ERBB4: variants seen among roughly 807,000 people sequenced by gnomAD.
The protein encoded by ERBB4 is receptor tyrosine-protein kinase erbB-4.
Under a neutral mutation model 158.0 loss-of-function variants are expected in ERBB4, and 42 were observed. The observed-to-expected ratio is 0.27, with a 90% CI of 0.21 to 0.34. The LOEUF (loss-of-function observed/expected upper bound fraction) is 0.34, where lower values mean the gene tolerates loss of function less well. ERBB4 is among the 10% of genes least tolerant of loss of function. The probability of loss-of-function intolerance (pLI) is 1.00; values close to 1 mark genes in which losing one functional copy is unlikely to be tolerated. For missense variants in ERBB4, 1,333 were observed against 1,624.1 expected, an observed-to-expected ratio of 0.82 and a Z score of 3.08; for synonymous variants, 583 against 558.7, an observed-to-expected ratio of 1.04 and a Z score of -0.61.
chr2:211,480,069 G>T (rs2065045212), intron 20 of ERBB4, among the ~76,000 whole-genome samples: 1 of 152,048 alleles, frequency 6.6e-6, no homozygotes, highest in African/African-American at 2.4e-5. Context: ...ACAAAAATCT[G>T]ATCTATCTGC....
intron 4 of ERBB4, among the ~76,000 whole-genome samples, chr2:211,766,724 C>T (rs148046966): frequency 4.5e-4 from 69 of 152,206 alleles, no homozygotes; most frequent in African/African-American, 1.4e-3. Context: ...AACCTAACGC[C>T]GATCTGTGCT....
chr2:212,524,161 T>C (rs549734186), intron 1 of ERBB4, among the ~76,000 whole-genome samples: 1 of 152,146 alleles, frequency 6.6e-6, no homozygotes, highest in Admixed American at 6.6e-5. Context: ...TAATATGAAA[T>C]TTAAAAAACA....
chr2:211,929,798 A>C lies in ERBB4; in HGVS notation c.421+17632T>G, dbSNP rs2080124223. On this transcript the variant is annotated intron_variant, in intron 3 of 27. Transcript: ENST00000342788. ...TAATAGTTAGATATTATACTCATAT[A>C]GACATATAAATGCATCTGTGTATGT... 2.6e-5 allele frequency among the ~76,000 whole-genome samples: 4 copies of C among 152,202 alleles called. No individual in the cohort carries two copies. The South Asian group carries it at 8.3e-4, about 32-fold the overall frequency.
At chr2:212,018,714 G>C (rs891723157) in intron 2 of ERBB4, among the ~76,000 whole-genome samples, 1 of 152,134 alleles carries the variant, frequency 6.6e-6, no homozygotes, top group African/African-American at 2.4e-5. Flanking sequence ...CTCTGGGTCT[G>C]TATTTGTCAG....
In ERBB4 at chr2:211,427,094, A is replaced by G. The variant is rs556312452; in HGVS notation, c.2719+1314T>C. 1.2e-4 allele frequency among the ~76,000 whole-genome samples: 18 copies of G among 152,240 alleles called. No individual in the cohort carries two copies. The East Asian group carries it at 3.1e-3, about 26-fold the overall frequency. On this transcript the variant is annotated intron_variant, in intron 22 of 27. Coordinates refer to ENST00000342788, the MANE Select transcript of ERBB4 (RefSeq NM_005235.3). ...CTTCATGAAAATTTTACCACCTCCT[A>G]TGGAATACATATGTGGAAGGAATAA...
In ERBB4 at chr2:211,998,407, T is replaced by G. The variant is rs55760258; in HGVS notation, c.235-50791A>C. Among the ~76,000 whole-genome samples the G allele has an allele frequency of 4.2e-3, 644 of 151,914 alleles. 3 individuals carry two copies. Among genetic ancestry groups the G allele is most frequent in the Non-Finnish European group, 6.1e-3 (413 of 67,856 alleles). On this transcript the variant is annotated intron_variant, in intron 2 of 27. Coordinates refer to ENST00000342788, the MANE Select transcript of ERBB4 (RefSeq NM_005235.3). ...TTATGTACATTATCTTACTTGGTCC[T>G]TATCACAGATCTTTCTGAGATAAAC...
intron 2 of ERBB4, among the ~76,000 whole-genome samples, chr2:211,967,472 T>G (rs1157476124): frequency 6.6e-6 from 1 of 152,058 alleles, no homozygotes; most frequent in African/African-American, 2.4e-5. Context: ...TTTCCAATCT[T>G]TTAATTATCA....
chr2:212,503,359 T>C (rs1273135076), intron 1 of ERBB4, among the ~76,000 whole-genome samples: 1 of 152,234 alleles, frequency 6.6e-6, no homozygotes, highest in Admixed American at 6.5e-5. Flanking sequence ...CCAGTCTAAA[T>C]GTTGTCCTCC....
chr2:212,077,969 C>T (rs2078322378), intron 2 of ERBB4, among the ~76,000 whole-genome samples: 1 of 151,890 alleles, frequency 6.6e-6, no homozygotes, highest in Non-Finnish European at 1.5e-5. Flanking sequence ...GGCAATAATT[C>T]AATCACCACA....
chr2:212,281,063 C>A (rs1157288242), intron 1 of ERBB4, among the ~76,000 whole-genome samples: 1 of 151,620 alleles, frequency 6.6e-6, no homozygotes, highest in African/African-American at 2.4e-5. Context: ...TACTAAAATT[C>A]TTCTTCACAA....
At chr2:212,067,659 C>G (rs1478891754) in intron 2 of ERBB4, among the ~76,000 whole-genome samples, 1 of 151,978 alleles carries the variant, frequency 6.6e-6, no homozygotes, top group Non-Finnish European at 1.5e-5. Flanking sequence ...ATCTACAAAT[C>G]CAGGACAAGA....
chr2:211,955,555 C>G (rs1010700647), intron 2 of ERBB4, among the ~76,000 whole-genome samples: 13 of 152,054 alleles, frequency 8.5e-5, no homozygotes, highest in South Asian at 6.3e-4. Context: ...GTCTCTGTAC[C>G]TTGAGTTTCT....
chr2:212,092,006 C>T (rs774043453), intron 2 of ERBB4, among the ~76,000 whole-genome samples: 9 of 152,208 alleles, frequency 5.9e-5, no homozygotes, highest in African/African-American at 9.6e-5. Flanking sequence ...AGATCCCACA[C>T]GTGATATGTC....
intron 1 of ERBB4, among the ~76,000 whole-genome samples, chr2:212,263,210 T>C (rs1340817050): frequency 1.3e-5 from 2 of 152,084 alleles, no homozygotes; most frequent in Non-Finnish European, 2.9e-5. Context: ...CAGGTTCTGC[T>C]TGAGAGCTTC....
intron 12 of ERBB4, among the ~76,000 whole-genome samples, chr2:211,688,761 T>C (rs1281718423): frequency 6.6e-6 from 1 of 152,202 alleles, no homozygotes; most frequent in African/African-American, 2.4e-5. Flanking sequence ...TTTAAAACTA[T>C]ATATTCTTCT....
At chr2:211,535,425 T>C (rs1242143670) in intron 20 of ERBB4, among the ~76,000 whole-genome samples, 1 of 152,054 alleles carries the variant, frequency 6.6e-6, no homozygotes, top group African/African-American at 2.4e-5. Context: ...TCAAGAGTCT[T>C]AGGTACCAGC....
chr2:212,101,350 C>CATATATATATATATATACAT (rs56091369), intron 2 of ERBB4, among the ~76,000 whole-genome samples: 42,343 of 142,468 alleles, frequency 0.3, 7,448 homozygotes, highest in Non-Finnish European at 0.4. Context: ...ACACCCTATA[C>CATATATATATATATATACAT]ATATATATAT....
chr2:211,905,681 T>TATACAC (rs1480195605), intron 3 of ERBB4, among the ~76,000 whole-genome samples: 123 of 110,562 alleles, frequency 1.1e-3, no homozygotes, highest in South Asian at 7.6e-3. Context: ...TATATATATA[T>TATACAC]ACACACATAT....
At chr2:212,083,075 T>C (rs1396459986) in intron 2 of ERBB4, among the ~76,000 whole-genome samples, 1 of 151,878 alleles carries the variant, frequency 6.6e-6, no homozygotes, top group African/African-American at 2.4e-5. Flanking sequence ...AAGATAAACT[T>C]AGGTACACGG....
Sources: gnomAD v4.1 joint callset for allele counts (sites outside exome capture counted in the v4.1 genomes callset) on GRCh38, gnomAD v4.1.1 for gene constraint, MANE v1.5 for transcripts, NCBI Gene and HGNC (gene_info 2026-07-23, HGNC 2026-07-21) for gene names.